The following RELCH variants were observed in gnomAD, a reference collection of about 807,000 sequenced individuals.
RELCH encodes the protein RAB11 binding and LisH domain, coiled-coil and HEAT repeat containing.
RELCH carries 41 observed loss-of-function variants against 150.3 expected under a neutral mutation model. That is an observed-to-expected ratio of 0.27 (90% confidence interval 0.21 to 0.35). The LOEUF (loss-of-function observed/expected upper bound fraction) is 0.35, where lower values mean the gene tolerates loss of function less well. Ranked by LOEUF, RELCH falls within the 10% of genes least tolerant of loss-of-function variation. RELCH has a pLI of 1.00. For synonymous variants in RELCH, 478 were observed against 531.8 expected (o/e 0.90, Z 1.39); for missense variants, 1,092 against 1,467.8 (o/e 0.74, Z 4.18).
At chr18:62,266,549 T>C (rs2043573289) in intron 18 of RELCH, 152 bp from the exon 19 acceptor site, 2 of 484,794 alleles carry the variant, frequency 4.1e-6, no homozygotes, top group African/African-American at 2.0e-5. Flanking sequence ...AGCCTCATGA[T>C]TAAGAATTAT....
At chr18:62,211,734 G>C (rs542027297) in intron 2 of RELCH, among the ~76,000 whole-genome samples, 1 of 151,142 alleles carries the variant, frequency 6.6e-6, no homozygotes, top group African/African-American at 2.4e-5. Context: ...GACCAGCTTG[G>C]GCAACATAAT....
chr18:62,291,527 A>C lies in RELCH; in HGVS notation c.3371-16A>C, dbSNP rs754247240. 2 of 1,562,244 alleles carry C rather than the reference A, an allele frequency of 1.3e-6. No individual in the cohort carries two copies. The highest frequency in any genetic ancestry group is 1.8e-6 in the Non-Finnish European group (2 of 1,141,686). ...AATTTGGTTTTGTTTAATTCCCTTA[A>C]CTACCTTGTCCCAAGTCATTTCAGA... is the stretch of plus-strand genomic sequence containing the variant. On this transcript the variant is annotated splice_polypyrimidine_tract_variant and intron_variant, in intron 26 of 28. Transcript: ENST00000644646.
intron 26 of RELCH, among the ~76,000 whole-genome samples, chr18:62,287,831 A>T (rs2044889964): frequency 6.6e-6 from 1 of 152,162 alleles, no homozygotes. Flanking sequence ...CTTGGCATTT[A>T]GGTTTTTCAG....
chr18:62,231,044 T>C (rs924113960), intron 8 of RELCH, 150 bp from the exon 9 acceptor site: 7 of 580,374 alleles, frequency 1.2e-5, no homozygotes, highest in South Asian at 6.5e-5. Context: ...AGTGAAGTGT[T>C]CTTCAAGTCA....
At chr18:62,248,148 A>G (rs1409049231) in intron 11 of RELCH, among the ~76,000 whole-genome samples, 2 of 152,218 alleles carry the variant, frequency 1.3e-5, no homozygotes, top group African/African-American at 4.8e-5. Flanking sequence ...ATGTAAGTTC[A>G]CAAAAATGCA....
chr18:62,226,357 G>C (rs978868848), intron 5 of RELCH, among the ~76,000 whole-genome samples: 2 of 151,990 alleles, frequency 1.3e-5, no homozygotes, highest in Non-Finnish European at 2.9e-5. Flanking sequence ...TGTTGAACAC[G>C]TTTTAATACA....
intron 23 of RELCH, 68 bp from the exon 24 acceptor site, chr18:62,280,578 A>G: frequency 3.7e-6 from 5 of 1,335,154 alleles, no homozygotes; most frequent in South Asian, 2.4e-5. Flanking sequence ...ACTTACTTTA[A>G]TATACATTTT....
At chr18:62,300,045 G>T (rs1350077217) in intron 28 of RELCH, 1 of 152,120 alleles carries the variant, frequency 6.6e-6, no homozygotes, top group Non-Finnish European at 1.5e-5. Flanking sequence ...CATTGTAGTT[G>T]GTTGCTATGT....
intron 19 of RELCH, 32 bp from the exon 20 acceptor site, chr18:62,268,837 T>TA: frequency 8.8e-7 from 1 of 1,133,430 alleles, no homozygotes; most frequent in Non-Finnish European, 1.2e-6. Context: ...AAAATATACT[T>TA]ATGTTTTTTT....
chr18:62,263,245 A>G (rs1348165149), intron 16 of RELCH, among the ~76,000 whole-genome samples: 1 of 152,010 alleles, frequency 6.6e-6, no homozygotes, highest in East Asian at 1.9e-4. Context: ...TCATTCTCTC[A>G]TTTATTTAAC....
intron 28 of RELCH, among the ~76,000 whole-genome samples, chr18:62,302,247 G>A (rs1421023071): frequency 6.6e-6 from 1 of 152,172 alleles, no homozygotes; most frequent in East Asian, 1.9e-4. Context: ...TTCTGAAGAG[G>A]AATATTTAAA....
At chr18:62,237,212 C>G (rs2041920183) in intron 10 of RELCH, among the ~76,000 whole-genome samples, 1 of 151,834 alleles carries the variant, frequency 6.6e-6, no homozygotes, top group Non-Finnish European at 1.5e-5. Context: ...AACTTATGGT[C>G]TGTCCTGGAG....
intron 13 of RELCH, among the ~76,000 whole-genome samples, chr18:62,257,077 C>A (rs965358245): frequency 6.6e-6 from 1 of 152,036 alleles, no homozygotes; most frequent in African/African-American, 2.4e-5. Context: ...ATAGCCATGT[C>A]ATCTGCCTTT....
At chr18:62,250,206 A>G (rs2042628406) in intron 11 of RELCH, among the ~76,000 whole-genome samples, 1 of 152,150 alleles carries the variant, frequency 6.6e-6, no homozygotes, top group Non-Finnish European at 1.5e-5. Flanking sequence ...TAAAATTTTC[A>G]ATATTAACTC....
At chr18:62,242,381 A>G (rs1010856338) in intron 10 of RELCH, among the ~76,000 whole-genome samples, 3 of 152,202 alleles carry the variant, frequency 2.0e-5, no homozygotes, top group Non-Finnish European at 2.9e-5. Flanking sequence ...GTCAGTTTGA[A>G]TTGATTCATA....
At chr18:62,280,240 G>A (rs1003799597) in intron 23 of RELCH, 13 of 751,364 alleles carry the variant, frequency 1.7e-5, no homozygotes, top group Admixed American at 8.6e-5. Context: ...TTAATGTCTC[G>A]TGTGGATGAC....
chr18:62,251,990 T>C (rs75431766), intron 11 of RELCH, among the ~76,000 whole-genome samples: 1 of 151,752 alleles, frequency 6.6e-6, no homozygotes, highest in Non-Finnish European at 1.5e-5. Flanking sequence ...AAGGTATAAT[T>C]TTTTCTTTTT....
chr18:62,264,183 A>G (rs2043424378), intron 17 of RELCH, 38 bp downstream of exon 17: 2 of 1,511,286 alleles, frequency 1.3e-6, no homozygotes, highest in East Asian at 2.4e-5. Flanking sequence ...AATAGATGAT[A>G]ACTCTTATAT....
rs369269476 is a variant in RELCH, at chr18:62,227,547, A to G, written c.1063-51A>G. 1.9e-6 allele frequency: 3 copies of G among 1,551,688 alleles called. No individual in the cohort carries two copies. In the South Asian group the frequency reaches 3.4e-5, roughly 17 times the overall value. Reference sequence around the variant, plus strand: ...CACAGAAAGTATTTAAACTATGTAAAAGCGTACAGTGAGATCTTGAGTTTC... The same window carrying G: ...CACAGAAAGTATTTAAACTATGTAAGAGCGTACAGTGAGATCTTGAGTTTC... On this transcript the variant is annotated intron_variant, in intron 6 of 28. Transcript: ENST00000644646.
Sources: allele counts gnomAD v4.1 joint callset (sites outside exome capture counted in the v4.1 genomes callset), GRCh38; gene constraint gnomAD v4.1.1; transcripts MANE v1.5; gene names NCBI Gene and HGNC (gene_info 2026-07-23, HGNC 2026-07-21).